MAF: variants seen among roughly 807,000 people sequenced by gnomAD.
MAF encodes the protein transcription factor Maf.
MAF carries 10 observed loss-of-function variants against 22.0 expected under a neutral mutation model. The observed-to-expected ratio is 0.45, with a 90% confidence interval of 0.28 to 0.77. The LOEUF (loss-of-function observed/expected upper bound fraction) is 0.77. MAF is among the 30% of genes least tolerant of loss of function. The pLI is 0.12. For synonymous variants in MAF, 337 were observed against 255.8 expected, an observed-to-expected ratio of 1.32 and a Z score of -3.03; for missense variants, 544 against 548.4, an observed-to-expected ratio of 0.99 and a Z score of 0.08.
the MAF span, among the ~76,000 whole-genome samples, chr16:79,467,364 C>A: frequency 2.0e-5 from 3 of 152,202 alleles, no homozygotes; most frequent in African/African-American, 7.2e-5. Flanking sequence ...AGGCACGCAG[C>A]TGCTTTGCTC....
At chr16:79,444,343 T>C in the MAF span, among the ~76,000 whole-genome samples, 7 of 152,210 alleles carry the variant, frequency 4.6e-5, no homozygotes, top group Admixed American at 4.6e-4. Context: ...ATACAATGCA[T>C]ACGTATTATT....
At chr16:79,416,234 A>T in the MAF span, among the ~76,000 whole-genome samples, 4 of 152,058 alleles carry the variant, frequency 2.6e-5, no homozygotes, top group African/African-American at 9.7e-5. Flanking sequence ...ACTGCCTCTG[A>T]TTCTGTTGTG....
the MAF span, among the ~76,000 whole-genome samples, chr16:79,330,196 T>C: frequency 6.6e-6 from 1 of 152,150 alleles, no homozygotes; most frequent in Admixed American, 6.5e-5. Flanking sequence ...GCAATCCAAT[T>C]TTATGGTTCA....
chr16:79,392,449 G>T, the MAF span, among the ~76,000 whole-genome samples: 1 of 149,812 alleles, frequency 6.7e-6, no homozygotes, highest in Non-Finnish European at 1.5e-5. Context: ...GAGAGGAGGA[G>T]GAGAAGGGAA....
the MAF span, among the ~76,000 whole-genome samples, chr16:79,242,798 T>C: frequency 5.9e-5 from 9 of 152,122 alleles, no homozygotes; most frequent in East Asian, 1.7e-3. Context: ...GACCACATAA[T>C]TGGAAGTAAA....
the MAF span, among the ~76,000 whole-genome samples, chr16:79,483,574 T>G: frequency 6.6e-6 from 1 of 151,940 alleles, no homozygotes; most frequent in Non-Finnish European, 1.5e-5. Context: ...GACCAGGTCA[T>G]GAAGCTTCTT....
At chr16:79,220,507 A>ATTTATTTATAT in the MAF span, among the ~76,000 whole-genome samples, 1 of 152,194 alleles carries the variant, frequency 6.6e-6, no homozygotes, top group Admixed American at 6.5e-5. Context: ...AAAATAATTT[A>ATTTATTTATAT]ATGCCTTTAT....
chr16:79,517,290 G>T, the MAF span, among the ~76,000 whole-genome samples: 1 of 152,160 alleles, frequency 6.6e-6, no homozygotes, highest in East Asian at 1.9e-4. Context: ...TACTGATGTG[G>T]GAAACATGTG....
the MAF span, among the ~76,000 whole-genome samples, chr16:79,226,700 G>C: frequency 1.3e-5 from 2 of 152,066 alleles, no homozygotes; most frequent in Non-Finnish European, 2.9e-5. Context: ...TCTCTGGGTA[G>C]AGGACATGTG....
the MAF span, among the ~76,000 whole-genome samples, chr16:79,502,444 T>G: frequency 6.6e-6 from 1 of 151,982 alleles, no homozygotes; most frequent in Admixed American, 6.6e-5. Flanking sequence ...GGTGGGTGGG[T>G]GGCTTGAGGT....
chr16:79,312,670 C>A, the MAF span, among the ~76,000 whole-genome samples: 1 of 152,210 alleles, frequency 6.6e-6, no homozygotes, highest in African/African-American at 2.4e-5. Flanking sequence ...GTCAGGTGAC[C>A]ACAACAATTA....
At chr16:79,391,950 G>A in the MAF span, among the ~76,000 whole-genome samples, 5 of 149,640 alleles carry the variant, frequency 3.3e-5, no homozygotes, top group Non-Finnish European at 7.4e-5. Flanking sequence ...AGAGGAGAAG[G>A]AGGAGGACAA....
the MAF span, among the ~76,000 whole-genome samples, chr16:79,520,486 CGT>C: frequency 2.0e-5 from 3 of 151,096 alleles, no homozygotes; most frequent in Admixed American, 6.6e-5. Context: ...TGTGTGTGTG[CGT>C]GTGTGTGTGT....
the MAF span, among the ~76,000 whole-genome samples, chr16:79,269,374 G>A: frequency 6.6e-6 from 1 of 152,104 alleles, no homozygotes; most frequent in Non-Finnish European, 1.5e-5. Context: ...AGGTTTACAG[G>A]TGTCACCATG....
the MAF span, among the ~76,000 whole-genome samples, chr16:79,517,568 C>CTTTTT: frequency 4.0e-5 from 4 of 99,778 alleles, no homozygotes; most frequent in Admixed American, 1.1e-4. Context: ...ACTGTTTAGT[C>CTTTTT]TTTTTTTTTT....
the MAF span, among the ~76,000 whole-genome samples, chr16:79,488,277 A>G: frequency 6.6e-6 from 1 of 152,160 alleles, no homozygotes; most frequent in Non-Finnish European, 1.5e-5. Context: ...TGAGGACTTT[A>G]GGGGACCAGG....
chr16:79,501,054 G>T, the MAF span, among the ~76,000 whole-genome samples: 1 of 152,156 alleles, frequency 6.6e-6, no homozygotes, highest in African/African-American at 2.4e-5. Context: ...CCTGTAACAG[G>T]TGGGTTACAT....
chr16:79,225,360 C>G, the MAF span, among the ~76,000 whole-genome samples: 3 of 152,064 alleles, frequency 2.0e-5, no homozygotes, highest in Non-Finnish European at 4.4e-5. Context: ...CAAAAATTAA[C>G]TCAAGCTGGA....
At chr16:79,378,475 C>T in the MAF span, among the ~76,000 whole-genome samples, 110 of 152,226 alleles carry the variant, frequency 7.2e-4, 1 homozygote, top group African/African-American at 2.5e-3. Context: ...ATTCACACTA[C>T]TAAAATTTAT....
Sources: allele counts gnomAD v4.1 joint callset (sites outside exome capture counted in the v4.1 genomes callset), GRCh38; gene constraint gnomAD v4.1.1; transcripts MANE v1.5; gene names NCBI Gene and HGNC (gene_info 2026-07-23, HGNC 2026-07-21).